BNC2: variants seen among roughly 807,000 people sequenced by gnomAD.
The protein encoded by BNC2 is zinc finger protein basonuclin-2.
Under a neutral mutation model 76.3 loss-of-function variants are expected in BNC2, and 20 were observed. The ratio of observed to expected loss-of-function variants is 0.26; its 90% CI spans 0.18 to 0.38. BNC2 has a LOEUF of 0.38. Ranked by LOEUF, BNC2 falls within the 10% of genes least tolerant of loss-of-function variation. The pLI is 1.00. For missense variants in BNC2, 1,382 were observed against 1,399.8 expected (o/e 0.99, Z 0.20); for synonymous variants, 582 against 514.8 (o/e 1.13, Z -1.77).
At chr9:16,663,736 C>T (rs1312518487) in intron 3 of BNC2, among the ~76,000 whole-genome samples, 4 of 152,082 alleles carry the variant, frequency 2.6e-5, no homozygotes, top group Admixed American at 2.6e-4. Context: ...GATATCTAAT[C>T]CACTGAACAA....
intron 3 of BNC2, among the ~76,000 whole-genome samples, chr9:16,590,271 C>A (rs1475917758): frequency 6.6e-6 from 1 of 152,088 alleles, no homozygotes; most frequent in African/African-American, 2.4e-5. Context: ...TGGCTCGCTG[C>A]AACCTCCGCC....
chr9:16,809,035 G>A (rs901728590), intron 1 of BNC2, among the ~76,000 whole-genome samples: 1 of 152,164 alleles, frequency 6.6e-6, no homozygotes, highest in African/African-American at 2.4e-5. Context: ...CACAGACTTG[G>A]AACCAGGCAC....
chr9:16,709,762 G>A (rs73646156), intron 3 of BNC2, among the ~76,000 whole-genome samples: 1 of 152,140 alleles, frequency 6.6e-6, no homozygotes, highest in African/African-American at 2.4e-5. Flanking sequence ...CAAAATTAAA[G>A]TATGATCAGA....
chr9:16,530,877 C>G (rs1409848890), intron 5 of BNC2, among the ~76,000 whole-genome samples: 1 of 152,160 alleles, frequency 6.6e-6, no homozygotes, highest in Admixed American at 6.5e-5. Context: ...CATGCACAAG[C>G]AGCTCTGCAG....
chr9:16,420,166 A>C (rs1820681521), intron 6 of BNC2, among the ~76,000 whole-genome samples: 1 of 152,166 alleles, frequency 6.6e-6, no homozygotes, highest in Non-Finnish European at 1.5e-5. Flanking sequence ...TAGCCTAGAT[A>C]ATTTAGATAT....
intron 6 of BNC2, among the ~76,000 whole-genome samples, chr9:16,430,195 G>GAA (rs1204045825): frequency 7.0e-6 from 1 of 141,900 alleles, no homozygotes; most frequent in Non-Finnish European, 1.5e-5. Flanking sequence ...GAGTAGCAGG[G>GAA]AAAAAAAAAA....
chr9:16,675,990 G>A (rs534409321), intron 3 of BNC2, among the ~76,000 whole-genome samples: 34 of 152,160 alleles, frequency 2.2e-4, no homozygotes, highest in Middle Eastern at 6.8e-3. Context: ...TCTTGAACCC[G>A]GGAGGCAGAG....
At chr9:16,658,858 C>A (rs773470892) in intron 3 of BNC2, among the ~76,000 whole-genome samples, 1 of 152,154 alleles carries the variant, frequency 6.6e-6, no homozygotes, top group Non-Finnish European at 1.5e-5. Flanking sequence ...CTCTTACACT[C>A]TTTTCCCTCT....
intron 3 of BNC2, among the ~76,000 whole-genome samples, chr9:16,691,649 A>C (rs1184164118): frequency 1.3e-5 from 2 of 151,120 alleles, no homozygotes; most frequent in African/African-American, 4.9e-5. Flanking sequence ...AGCTGGGACT[A>C]CAAGCACCCA....
chr9:16,742,494 G>C (rs1205179521), intron 1 of BNC2, among the ~76,000 whole-genome samples: 7 of 152,170 alleles, frequency 4.6e-5, no homozygotes, highest in Admixed American at 4.6e-4. Context: ...GCCAACATCA[G>C]CAACCGCCAG....
Position 16,437,428 on chromosome 9 carries a change from A to C in BNC2, c.766T>G (p.Ser256Ala). Residue 256 changes from serine to alanine, a missense_variant, in exon 6 of 7, where the codon TCC becomes GCC. By Grantham distance (99) the Ser-to-Ala change is moderately conservative. Transcript: ENST00000380672. Reference sequence around the variant, plus strand: ...TGAATTGCCATCAGCTCCACAATGGATTTGGTTTCTCCAAACCGCAGAAAC... The same window carrying C: ...TGAATTGCCATCAGCTCCACAATGGCTTTGGTTTCTCCAAACCGCAGAAAC... ...QQFLRFGETKSIVELMAIQEK... is the reference protein window; with the variant it reads ...QQFLRFGETKAIVELMAIQEK... The C allele has an allele frequency of 1.2e-6, 2 of 1,612,262 alleles. No homozygotes were observed. Among genetic ancestry groups the C allele is most frequent in the Non-Finnish European group, 1.7e-6 (2 of 1,178,792 alleles).
intron 5 of BNC2, among the ~76,000 whole-genome samples, chr9:16,549,023 G>T (rs1028046410): frequency 1.3e-5 from 2 of 152,186 alleles, no homozygotes; most frequent in African/African-American, 2.4e-5. Flanking sequence ...CGATGTGCCA[G>T]CCTTTTAAAT....
chr9:16,613,252 G>C (rs898765832), intron 3 of BNC2, among the ~76,000 whole-genome samples: 2 of 152,132 alleles, frequency 1.3e-5, no homozygotes, highest in Non-Finnish European at 2.9e-5. Flanking sequence ...CAAATACCCA[G>C]TGTACTTTTC....
At chr9:16,545,627 G>A (rs760801740) in intron 5 of BNC2, among the ~76,000 whole-genome samples, 4 of 152,120 alleles carry the variant, frequency 2.6e-5, no homozygotes, top group Admixed American at 6.5e-5. Context: ...CACCACACAT[G>A]AGTGGAGCAC....
intron 5 of BNC2, among the ~76,000 whole-genome samples, chr9:16,455,377 C>T (rs952451361): frequency 2.0e-5 from 3 of 152,090 alleles, no homozygotes; most frequent in African/African-American, 7.2e-5. Flanking sequence ...TTGAATATAT[C>T]CATTTAATTC....
chr9:16,811,089 G>A lies in BNC2; in HGVS notation c.3+59557C>T, dbSNP rs181604632. On this transcript the variant is annotated intron_variant, in intron 1 of 6. Coordinates refer to ENST00000380672, the MANE Select transcript of BNC2 (RefSeq NM_017637.6). ...AAAAATTAGCCAGGCATGGTGGCGG[G>A]CGCCTGTAGTCCCAGCTACTCTGGG... Among the ~76,000 whole-genome samples the A allele has an allele frequency of 2.8e-3, 430 of 151,908 alleles. 2 individuals are homozygous for A. The highest frequency in any genetic ancestry group is 0.01 in the African/African-American group (424 of 41,438).
At chr9:16,846,771 G>A (rs367700826) in intron 1 of BNC2, among the ~76,000 whole-genome samples, 20 of 152,314 alleles carry the variant, frequency 1.3e-4, no homozygotes, top group African/African-American at 4.8e-4. Flanking sequence ...AAGAGTAAGT[G>A]ACCAAAGCAC....
chr9:16,847,409 G>GGGGGGGGGGGGA (rs1554750685), intron 1 of BNC2, among the ~76,000 whole-genome samples: 1 of 40,748 alleles, frequency 2.5e-5, no homozygotes, highest in African/African-American at 1.1e-4. Flanking sequence ...GGCGGGGGGG[G>GGGGGGGGGGGGA]GGGGGCGGCG....
At chr9:16,821,715 G>A (rs1397759103) in intron 1 of BNC2, among the ~76,000 whole-genome samples, 3 of 152,072 alleles carry the variant, frequency 2.0e-5, no homozygotes, top group Admixed American at 6.5e-5. Context: ...TGGGGAGGCT[G>A]AGGCAGATGG....
Sources: gnomAD v4.1 joint callset for allele counts (sites outside exome capture counted in the v4.1 genomes callset) on GRCh38, gnomAD v4.1.1 for gene constraint, MANE v1.5 for transcripts, NCBI Gene and HGNC (gene_info 2026-07-23, HGNC 2026-07-21) for gene names.